Variants in TPRG1 observed in about 807,000 individuals in gnomAD.
The protein encoded by TPRG1 is tumor protein p63-regulated gene 1 protein.
Under a neutral mutation model 29.3 loss-of-function variants are expected in TPRG1, and 29 were observed. The ratio of observed to expected loss-of-function variants is 0.99; its 90% CI spans 0.74 to 1.35. The LOEUF (loss-of-function observed/expected upper bound fraction) is 1.35. TPRG1 is among the 40% of genes most tolerant of loss of function. The pLI, the probability that TPRG1 is intolerant of heterozygous loss-of-function variation, is 0.00. For synonymous variants in TPRG1, 130 were observed against 116.8 expected, an observed-to-expected ratio of 1.11 and a Z score of -0.73; for missense variants, 327 against 335.0, an observed-to-expected ratio of 0.98 and a Z score of 0.19.
chr3:189,162,797 G>A (rs1008018358), intron 5 of TPRG1, among the ~76,000 whole-genome samples: 1 of 152,166 alleles, frequency 6.6e-6, no homozygotes, highest in African/African-American at 2.4e-5. Flanking sequence ...ATCTCTCTCT[G>A]TGCCCAATTT....
At chr3:189,285,021 A>T (rs571846245) in intron 4 of TPRG1, among the ~76,000 whole-genome samples, 1 of 152,166 alleles carries the variant, frequency 6.6e-6, no homozygotes, top group Non-Finnish European at 1.5e-5. Flanking sequence ...AATGGGAGAA[A>T]ATTTTTGCAA....
intron 4 of TPRG1, among the ~76,000 whole-genome samples, chr3:189,028,383 G>A (rs138172688): frequency 1.3e-5 from 2 of 152,190 alleles, no homozygotes; most frequent in Non-Finnish European, 2.9e-5. Context: ...ATGACCAATA[G>A]TGTCACAACT....
chr3:189,048,352 G>T (rs1715099166), intron 4 of TPRG1, among the ~76,000 whole-genome samples: 1 of 152,146 alleles, frequency 6.6e-6, no homozygotes, highest in Non-Finnish European at 1.5e-5. Flanking sequence ...GCTATAAAAA[G>T]ATGTGTTATC....
At chr3:189,242,695 G>A (rs1740812030) in intron 4 of TPRG1, among the ~76,000 whole-genome samples, 1 of 151,924 alleles carries the variant, frequency 6.6e-6, no homozygotes, top group Admixed American at 6.6e-5. Context: ...TATGAGTGGA[G>A]TTATCTTTTC....
intron 3 of TPRG1, among the ~76,000 whole-genome samples, chr3:189,023,586 C>G (rs1170853062): frequency 6.6e-6 from 1 of 152,184 alleles, no homozygotes. Flanking sequence ...CACTCTGCCT[C>G]TTTGAGTTGT....
chr3:189,155,653 T>C (rs1421940500), intron 5 of TPRG1, among the ~76,000 whole-genome samples: 1 of 152,128 alleles, frequency 6.6e-6, no homozygotes, highest in East Asian at 1.9e-4. Flanking sequence ...GTTATTGAGC[T>C]TTAAAAAAGA....
intron 4 of TPRG1, among the ~76,000 whole-genome samples, chr3:189,262,874 G>A (rs1033280782): frequency 3.3e-5 from 5 of 152,256 alleles, no homozygotes; most frequent in African/African-American, 1.2e-4. Flanking sequence ...CCAGGGCCTT[G>A]CTGGCAGCTG....
chr3:189,279,420 A>G (rs377031649), intron 4 of TPRG1, among the ~76,000 whole-genome samples: 1 of 152,218 alleles, frequency 6.6e-6, no homozygotes. Context: ...GAAAGAGGCA[A>G]GTATGCCCTA....
chr3:189,041,322 G>C (rs1188526929), intron 4 of TPRG1, among the ~76,000 whole-genome samples: 1 of 152,138 alleles, frequency 6.6e-6, no homozygotes, highest in East Asian at 1.9e-4. Context: ...AAAGCTGCTT[G>C]AGTTATTCAA....
chr3:189,158,560 G>A (rs548481345), intron 5 of TPRG1, among the ~76,000 whole-genome samples: 51 of 152,110 alleles, frequency 3.4e-4, no homozygotes, highest in Non-Finnish European at 5.9e-4. Flanking sequence ...AGTGAGCTAA[G>A]ATTGCGCCAC....
At chr3:189,107,434 C>T (rs916256723) in intron 1 of TPRG1, among the ~76,000 whole-genome samples, 7 of 152,142 alleles carry the variant, frequency 4.6e-5, no homozygotes, top group African/African-American at 1.7e-4. Flanking sequence ...ATACCTTTTG[C>T]TTCATACATG....
At chr3:189,214,533 T>A (rs1449082494) in intron 2 of TPRG1, among the ~76,000 whole-genome samples, 2 of 152,168 alleles carry the variant, frequency 1.3e-5, no homozygotes, top group Non-Finnish European at 2.9e-5. Flanking sequence ...CACAACCTTC[T>A]CTGTCGAAGT....
intron 3 of TPRG1, among the ~76,000 whole-genome samples, chr3:189,010,510 G>T (rs1712541656): frequency 6.6e-6 from 1 of 152,108 alleles, no homozygotes; most frequent in Non-Finnish European, 1.5e-5. Context: ...TGTGGTTTTT[G>T]ATTTGCATTT....
intron 4 of TPRG1, among the ~76,000 whole-genome samples, chr3:189,034,924 T>G (rs1030107937): frequency 6.6e-6 from 1 of 152,148 alleles, no homozygotes; most frequent in Non-Finnish European, 1.5e-5. Flanking sequence ...TTCCGCAGAA[T>G]TAGAAAAAAC....
intron 4 of TPRG1, among the ~76,000 whole-genome samples, chr3:189,077,516 A>G (rs951765037): frequency 1.3e-5 from 2 of 152,102 alleles, no homozygotes; most frequent in African/African-American, 4.8e-5. Flanking sequence ...GACACAAGGA[A>G]TTTTTGGGGT....
At chr3:189,170,116 C>T (rs1456541880), upstream of TPRG1, among the ~76,000 whole-genome samples, 1 of 152,180 alleles carries the variant, frequency 6.6e-6, no homozygotes, top group South Asian at 2.1e-4. Context: ...TCTTAAGAGA[C>T]CAGGCTGGGA....
chr3:189,025,396 CATTGA>C (rs988444575), intron 4 of TPRG1, among the ~76,000 whole-genome samples: 2 of 152,198 alleles, frequency 1.3e-5, no homozygotes, highest in Non-Finnish European at 1.5e-5. Flanking sequence ...ATTTTCTCTG[CATTGA>C]ATTGCTTCCC....
rs9871053 is a variant in TPRG1, at chr3:189,251,788, A to G, written c.479+12879A>G. Among the ~76,000 whole-genome samples, 769 of 152,334 alleles carry G rather than the reference A, an allele frequency of 5.0e-3. 7 individuals carry two copies. Among genetic ancestry groups the G allele is most frequent in the African/African-American group, 0.018 (739 of 41,594 alleles). ...GTTTTTCCCTATCTCAGTAGATGGA[A>G]CATACAATCGGGTTTTATACCGAGA... On this transcript the variant is annotated intron_variant, in intron 4 of 5. Transcript: ENST00000345063.
intron 1 of TPRG1, among the ~76,000 whole-genome samples, chr3:189,175,211 T>A (rs990023776): frequency 4.6e-5 from 7 of 152,210 alleles, no homozygotes; most frequent in Admixed American, 2.6e-4. Flanking sequence ...AAGAGATTTA[T>A]GGCAACTAGG....
Sources: gnomAD v4.1 joint callset for allele counts (sites outside exome capture counted in the v4.1 genomes callset) on GRCh38, gnomAD v4.1.1 for gene constraint, MANE v1.5 for transcripts, NCBI Gene and HGNC (gene_info 2026-07-23, HGNC 2026-07-21) for gene names.